The following FANCD2 variants were observed in gnomAD, a reference collection of about 807,000 sequenced individuals.
FANCD2 encodes FA complementation group D2, also known as Fanconi anemia group D2 protein.
A neutral mutation model predicts 192.3 loss-of-function variants in FANCD2; 131 were observed. The observed-to-expected ratio is 0.68, with a 90% CI of 0.59 to 0.79. FANCD2 has a LOEUF of 0.79. Ranked by LOEUF, FANCD2 falls within the 30% of genes least tolerant of loss-of-function variation. The pLI is 0.00. For synonymous variants in FANCD2, 524 were observed against 612.5 expected, an observed-to-expected ratio of 0.86 and a Z score of 2.13; for missense variants, 1,508 against 1,701.6, an observed-to-expected ratio of 0.89 and a Z score of 2.00.
intron 24 of FANCD2, 142 bp from the exon 25 acceptor site, chr3:10,065,722 A>G (rs575901570): frequency 2.2e-5 from 16 of 714,442 alleles, no homozygotes; most frequent in Non-Finnish European, 3.8e-5. Context: ...GCTATATGAT[A>G]TGCAAATATT....
chr3:10,039,397 G>T (rs887046870), intron 8 of FANCD2, 40 bp downstream of exon 8: 2 of 1,477,276 alleles, frequency 1.4e-6, no homozygotes, highest in African/African-American at 2.8e-5. Context: ...TAAAGAGTAT[G>T]TTTCTCATAT....
intron 40 of FANCD2, 59 bp from the exon 41 acceptor site, chr3:10,095,141 T>G: frequency 7.0e-7 from 1 of 1,419,382 alleles, no homozygotes; most frequent in Non-Finnish European, 9.9e-7. Context: ...CAAGGGTATC[T>G]TGAATCTAAA....
chr3:10,071,556 G>A (rs1336673924), intron 26 of FANCD2, among the ~76,000 whole-genome samples: 1 of 152,134 alleles, frequency 6.6e-6, no homozygotes, highest in African/African-American at 2.4e-5. Context: ...TGGAACTGGA[G>A]GACATTATGT....
chr3:10,076,316 A>G (rs368763625), intron 29 of FANCD2, among the ~76,000 whole-genome samples: 1 of 151,348 alleles, frequency 6.6e-6, no homozygotes, highest in Admixed American at 6.6e-5. Flanking sequence ...TGTGTGTGGC[A>G]TTCAAAGTCA....
At chr3:10,085,998 T>TTTA in intron 33 of FANCD2, 76 bp downstream of exon 33, 1 of 956,490 alleles carries the variant, frequency 1.0e-6, no homozygotes, top group Non-Finnish European at 1.7e-6. Context: ...TTCTTTAAAA[T>TTTA]AACCTGGGTG....
chr3:10,087,178 G>GT lies in FANCD2; in HGVS notation c.3383dup (p.Gln1129ProfsTer44). On this transcript the variant is annotated frameshift_variant, in exon 34 of 44. Transcript: ENST00000675286. LOFTEE classifies it high-confidence loss of function. The stretch of plus-strand genomic sequence containing the variant: ...CAGAATTTCCATCAAAGCATTCCCA[G>GT]TTTCCAGTGTGCTCTTTATCTCATC... 1 of 1,613,034 alleles carries GT rather than the reference G, an allele frequency of 6.2e-7. No homozygotes were observed. Among genetic ancestry groups the GT allele is most frequent in the Non-Finnish European group, 8.5e-7 (1 of 1,179,626 alleles).
chr3:10,060,414 A>T lies in FANCD2; in HGVS notation c.1766+11A>T. On this transcript the variant is annotated intron_variant, in intron 19 of 43. Coordinates refer to ENST00000675286, the MANE Select transcript of FANCD2 (RefSeq NM_001018115.3). ...CATGGCGGCAGACAGGTACACGTGGAGATTCTGACTTCTGTGGTTTAAGAT... is the reference window on the plus strand; with the variant it reads ...CATGGCGGCAGACAGGTACACGTGGTGATTCTGACTTCTGTGGTTTAAGAT... 6.3e-7 allele frequency: 1 copy of T among 1,595,326 alleles called. No individual in the cohort carries two copies. Among genetic ancestry groups the T allele is most frequent in the South Asian group, 1.1e-5 (1 of 90,748 alleles).
intron 18 of FANCD2, among the ~76,000 whole-genome samples, chr3:10,054,983 C>A (rs2087366959): frequency 1.3e-5 from 2 of 152,120 alleles, no homozygotes. Context: ...CCCACAGGGG[C>A]AATCACTTTA....
At position 10,088,475 on chromosome 3, in the gene FANCD2, C is replaced by G. The variant is rs759348779; in HGVS notation, c.3493C>G (p.Arg1165Gly). 2 of 1,610,886 alleles carry G rather than the reference C, an allele frequency of 1.2e-6. No homozygotes were observed. The highest frequency in any genetic ancestry group is 1.7e-6 in the Non-Finnish European group (2 of 1,177,150). The part of the protein sequence containing the change: ...IASLARQFLC[R>G]VWPSGDKEKS... ...TTCCCTTGCCAGACAATTCCTCTGTCGGGTGTGGCCAAGTGGGGATAAAGA... is the reference window on the plus strand; with the variant it reads ...TTCCCTTGCCAGACAATTCCTCTGTGGGGTGTGGCCAAGTGGGGATAAAGA... The change falls in exon 35 of 44, where the codon CGG becomes GGG. Residue 1165 changes from arginine (R) to glycine (G), a missense_variant. Transcript: ENST00000675286.
At chr3:10,078,697 C>G (rs919005601) in intron 30 of FANCD2, among the ~76,000 whole-genome samples, 4 of 150,868 alleles carry the variant, frequency 2.7e-5, no homozygotes, top group Non-Finnish European at 5.9e-5. Flanking sequence ...GGCGTGGTGG[C>G]TCACGCCTGT....
intron 43 of FANCD2, among the ~76,000 whole-genome samples, chr3:10,100,619 A>G (rs1575883281): frequency 6.6e-6 from 1 of 151,938 alleles, no homozygotes; most frequent in Non-Finnish European, 1.5e-5. Flanking sequence ...TGATCTACCC[A>G]CCTCAGCCTT....
intron 9 of FANCD2, 44 bp downstream of exon 9, chr3:10,039,889 G>T (rs1275492111): frequency 1.2e-6 from 2 of 1,612,880 alleles, no homozygotes; most frequent in Non-Finnish European, 1.7e-6. Context: ...CTCAGCTATG[G>T]GGGTTCTATC....
At chr3:10,032,766 C>A in intron 2 of FANCD2, 66 bp from the exon 3 acceptor site, 1 of 1,370,968 alleles carries the variant, frequency 7.3e-7, no homozygotes, top group Non-Finnish European at 1.0e-6. Flanking sequence ...GATTATTATT[C>A]CTGGGTTTAA....
At chr3:10,046,300 G>A (rs921302093) in intron 14 of FANCD2, 32 of 376,994 alleles carry the variant, frequency 8.5e-5, no homozygotes, top group African/African-American at 1.5e-4. Context: ...TGATCTGCCC[G>A]CCTTGGCCTC....
intron 17 of FANCD2, among the ~76,000 whole-genome samples, chr3:10,050,900 A>G (rs557197270): frequency 1.3e-5 from 2 of 151,682 alleles, no homozygotes; most frequent in Non-Finnish European, 2.9e-5. Context: ...AGCCTGACCA[A>G]CATGGAGAAA....
At chr3:10,027,900 G>T (rs1171077835) in intron 1 of FANCD2, among the ~76,000 whole-genome samples, 1 of 78,376 alleles carries the variant, frequency 1.3e-5, no homozygotes. Flanking sequence ...GTGAGACTCC[G>T]TCTCAAAAAA....
intron 28 of FANCD2, among the ~76,000 whole-genome samples, chr3:10,073,936 AGTTTTTTGTTTTTT>A (rs375085905): frequency 6.6e-6 from 1 of 152,126 alleles, no homozygotes; most frequent in Middle Eastern, 3.4e-3. Context: ...CTAAGCTCAC[AGTTTTTTGTTTTTT>A]GTTTTTTGTT....
chr3:10,052,540 C>T (rs768414107), intron 18 of FANCD2, 43 bp downstream of exon 18: 19 of 1,289,982 alleles, frequency 1.5e-5, no homozygotes, highest in Middle Eastern at 2.6e-4. Flanking sequence ...TTTTTTGAGA[C>T]AGAGTCTAGC....
chr3:10,043,023 A>C, intron 11 of FANCD2, 27 bp from the exon 12 acceptor site: 3 of 1,594,748 alleles, frequency 1.9e-6, no homozygotes, highest in Non-Finnish European at 2.6e-6. Context: ...TGAGCAGAAA[A>C]CCATAGCTAA....
Sources: allele counts gnomAD v4.1 joint callset (sites outside exome capture counted in the v4.1 genomes callset), GRCh38; gene constraint gnomAD v4.1.1; transcripts MANE v1.5; gene names NCBI Gene and HGNC (gene_info 2026-07-23, HGNC 2026-07-21).